The following CCDC73 variants were observed in gnomAD, a reference collection of about 807,000 sequenced individuals.
The protein encoded by CCDC73 is coiled-coil domain-containing protein 73.
Under a neutral mutation model 116.5 loss-of-function variants are expected in CCDC73, and 95 were observed. That is an observed-to-expected ratio of 0.82 (90% CI 0.69 to 0.97). The LOEUF is 0.97. CCDC73 is among the 50% of genes least tolerant of loss of function. The pLI, the probability that CCDC73 is intolerant of heterozygous loss-of-function variation, is 0.00. For synonymous variants in CCDC73, 398 were observed against 401.3 expected, an observed-to-expected ratio of 0.99 and a Z score of 0.10; for missense variants, 1,066 against 1,206.8, an observed-to-expected ratio of 0.88 and a Z score of 1.73.
rs1850036064 is a variant in CCDC73, at chr11:32,727,193, C to T, written c.136-9046G>A. On this transcript the variant is annotated intron_variant, in intron 2 of 17. Coordinates refer to ENST00000335185, the MANE Select transcript of CCDC73 (RefSeq NM_001008391.4). ...AGAGAATAAAGTTCCCTTTTCATCA[C>T]ATTGCATCATGAATATTTGATATTC... 3.3e-5 allele frequency among the ~76,000 whole-genome samples: 5 copies of T among 152,198 alleles called. No individual in the cohort carries two copies. The South Asian group carries it at 1.0e-3, about 32-fold the overall frequency.
chr11:32,671,042 T>A (rs61889431), intron 9 of CCDC73, among the ~76,000 whole-genome samples: 1 of 152,330 alleles, frequency 6.6e-6, no homozygotes, highest in South Asian at 2.1e-4. Context: ...AGCCTTTAAA[T>A]ATCCTGAACT....
At chr11:32,751,689 GTC>G (rs1850288706) in intron 2 of CCDC73, among the ~76,000 whole-genome samples, 1 of 152,150 alleles carries the variant, frequency 6.6e-6, no homozygotes, top group African/African-American at 2.4e-5. Context: ...ATTCAAGACT[GTC>G]TTTCCAACTC....
chr11:32,773,914 C>A (rs1243274922), intron 1 of CCDC73, among the ~76,000 whole-genome samples: 1 of 152,138 alleles, frequency 6.6e-6, no homozygotes, highest in Non-Finnish European at 1.5e-5. Context: ...GACATGTTTT[C>A]TCTCAGGTGT....
intron 2 of CCDC73, among the ~76,000 whole-genome samples, chr11:32,754,999 T>C (rs1377164206): frequency 6.8e-6 from 1 of 146,856 alleles, no homozygotes; most frequent in Admixed American, 6.9e-5. Flanking sequence ...GCGATTCTCC[T>C]GCCTCAACCT....
intron 6 of CCDC73, among the ~76,000 whole-genome samples, chr11:32,692,135 T>A (rs1372505626): frequency 6.6e-6 from 1 of 151,996 alleles, no homozygotes; most frequent in Non-Finnish European, 1.5e-5. Context: ...GTTTTTTAGC[T>A]TTGTGTTTTA....
chr11:32,801,430 G>C, the CCDC73 span, among the ~76,000 whole-genome samples: 1 of 152,064 alleles, frequency 6.6e-6, no homozygotes, highest in South Asian at 2.1e-4. Flanking sequence ...ATCATGAGGT[G>C]AGGAGTTCAA....
chr11:32,733,310 A>G (rs1376401222), intron 2 of CCDC73, among the ~76,000 whole-genome samples: 1 of 152,210 alleles, frequency 6.6e-6, no homozygotes, highest in Non-Finnish European at 1.5e-5. Flanking sequence ...ACTCCCACAC[A>G]ATAATAATGG....
intron 2 of CCDC73, among the ~76,000 whole-genome samples, chr11:32,741,698 T>A (rs1272168272): frequency 2.6e-5 from 4 of 152,066 alleles, no homozygotes; most frequent in Admixed American, 2.6e-4. Context: ...CTGGATTACA[T>A]GTGCAGAATG....
At chr11:32,745,994 T>A (rs907364527) in intron 2 of CCDC73, among the ~76,000 whole-genome samples, 1 of 152,202 alleles carries the variant, frequency 6.6e-6, no homozygotes, top group Admixed American at 6.5e-5. Context: ...ATTTTGCCCA[T>A]TAATTGATGT....
At chr11:32,787,954 A>G (rs1419122147) in intron 1 of CCDC73, among the ~76,000 whole-genome samples, 1 of 152,204 alleles carries the variant, frequency 6.6e-6, no homozygotes, top group Admixed American at 6.5e-5. Context: ...AAGAACTGAA[A>G]GATCTTTTAT....
chr11:32,639,161 C>A (rs1219428024), intron 13 of CCDC73, among the ~76,000 whole-genome samples: 2 of 149,812 alleles, frequency 1.3e-5, no homozygotes, highest in Non-Finnish European at 1.5e-5. Context: ...CGACACCCCC[C>A]CCAAAAAATC....
In CCDC73 at chr11:32,614,480, T is replaced by C. The variant is rs764391227; in HGVS notation, c.1838A>G (p.His613Arg). 6 of 1,613,390 alleles carry C rather than the reference T, an allele frequency of 3.7e-6. No individual in the cohort carries two copies. The African/African-American group carries it at 8.0e-5, about 22-fold the overall frequency. Residue 613 changes from histidine to arginine, a missense_variant, in exon 16 of 18, where the codon CAT (histidine) becomes CGT (arginine). Physicochemically the swap from His to Arg is conservative, Grantham distance 29 (BLOSUM62 0). Transcript: ENST00000335185. ...ATTTGTAATTTCCTTCTCTAGAGCA[T>C]GTTCTCGAGTCCCTGGAAGCAATCT... ...QFRLLPGTRE[H>R]ALEKEITNSD... is the part of the protein sequence containing the mutation.
intron 6 of CCDC73, among the ~76,000 whole-genome samples, chr11:32,691,833 G>A (rs1856261496): frequency 6.6e-6 from 1 of 152,058 alleles, no homozygotes; most frequent in Admixed American, 6.6e-5. Context: ...CGGATCACGA[G>A]GTTAGGAGAT....
chr11:32,778,089 A>C (rs959244399), intron 1 of CCDC73, among the ~76,000 whole-genome samples: 1 of 152,236 alleles, frequency 6.6e-6, no homozygotes, highest in Non-Finnish European at 1.5e-5. Flanking sequence ...TAATAAAAAC[A>C]TGTTAAAACA....
At chr11:32,751,745 T>A (rs1484133611) in intron 2 of CCDC73, among the ~76,000 whole-genome samples, 1 of 152,234 alleles carries the variant, frequency 6.6e-6, no homozygotes, top group Non-Finnish European at 1.5e-5. Context: ...AACCAGGTAC[T>A]GTGATCACTT....
chr11:32,613,544 G>T lies in CCDC73; in HGVS notation c.2774C>A (p.Thr925Asn), dbSNP rs1279158674. Residue 925 changes from threonine (T) to asparagine (N), a missense_variant, in exon 16 of 18, where the codon ACC becomes AAC. By Grantham distance (65) the Thr-to-Asn change is moderately conservative. Coordinates refer to ENST00000335185, the MANE Select transcript of CCDC73 (RefSeq NM_001008391.4). The part of the protein sequence containing the change: ...HIESQTASSS[T>N]PCISLLLKER... ...CTTCAGCAACAAAGAAATGCAAGGG[G>T]TCGAACTGCTCGCTGTTTGACTTTC... is the stretch of plus-strand genomic sequence containing the variant. 6.2e-7 allele frequency: 1 copy of T among 1,614,088 alleles called. No individual in the cohort carries two copies.
the CCDC73 span, chr11:32,830,427 G>A: frequency 2.6e-6 from 3 of 1,157,868 alleles, no homozygotes; most frequent in Non-Finnish European, 3.5e-6. Context: ...AGTACAACAG[G>A]TTGGTGATTC....
chr11:32,720,602 T>C (rs541811294), intron 2 of CCDC73, among the ~76,000 whole-genome samples: 1 of 152,224 alleles, frequency 6.6e-6, no homozygotes, highest in Non-Finnish European at 1.5e-5. Context: ...GATATGATTG[T>C]ATGCATAGAA....
Position 32,713,337 on chromosome 11 carries a change from T to C in CCDC73, c.207+4739A>G, listed in dbSNP as rs116204951. ...AGAGAGTTAACATTAATAGCAGCTA[T>C]GCCTTTGGTGTTGTCCATGATTTTG... On this transcript the variant is annotated intron_variant, in intron 3 of 17. Coordinates refer to ENST00000335185, the MANE Select transcript of CCDC73 (RefSeq NM_001008391.4). Among the ~76,000 whole-genome samples, 343 of 152,206 alleles carry C rather than the reference T, an allele frequency of 2.3e-3. 1 individual carries two copies. The highest frequency in any genetic ancestry group is 8.1e-3 in the African/African-American group (335 of 41,564).
Sources: gnomAD v4.1 joint callset for allele counts (sites outside exome capture counted in the v4.1 genomes callset) on GRCh38, gnomAD v4.1.1 for gene constraint, MANE v1.5 for transcripts, NCBI Gene and HGNC (gene_info 2026-07-23, HGNC 2026-07-21) for gene names.